Variants in ELF1 observed in about 807,000 individuals in gnomAD.
ELF1 encodes the protein ETS-related transcription factor Elf-1.
Under a neutral mutation model 59.9 loss-of-function variants are expected in ELF1, and 24 were observed. The observed-to-expected ratio is 0.40, with a 90% confidence interval of 0.29 to 0.56. The LOEUF (loss-of-function observed/expected upper bound fraction) is 0.56, where lower values mean the gene tolerates loss of function less well. Ranked by LOEUF, ELF1 falls within the 20% of genes least tolerant of loss-of-function variation. ELF1 has a pLI of 0.44. For synonymous variants in ELF1, 248 were observed against 266.2 expected, an observed-to-expected ratio of 0.93 and a Z score of 0.67; for missense variants, 627 against 742.2, an observed-to-expected ratio of 0.84 and a Z score of 1.80.
exon 1 of ELF1, chr13:41,061,185 G>A (rs1352923992): frequency 4.9e-6 from 1 of 203,154 alleles, no homozygotes; most frequent in Non-Finnish European, 1.0e-5. Flanking sequence ...AGTTGGCAAA[G>A]TTGAGAGCGG....
chr13:40,962,508 C>T (rs890677946), intron 2 of ELF1, among the ~76,000 whole-genome samples: 1 of 151,548 alleles, frequency 6.6e-6, no homozygotes, highest in Non-Finnish European at 1.5e-5. Context: ...CACGGTGAAA[C>T]CTTGTCTTTA....
intron 1 of ELF1, among the ~76,000 whole-genome samples, chr13:41,046,976 G>A (rs190125196): frequency 6.6e-6 from 1 of 152,286 alleles, no homozygotes; most frequent in East Asian, 1.9e-4. Context: ...TGGAGGCTTT[G>A]TTCGTTTCTT....
At chr13:41,047,254 G>A (rs980721112) in intron 1 of ELF1, among the ~76,000 whole-genome samples, 30 of 152,200 alleles carry the variant, frequency 2.0e-4, no homozygotes, top group Admixed American at 5.2e-4. Context: ...AAGTTTGATC[G>A]TCTGAAGCCT....
intron 1 of ELF1, among the ~76,000 whole-genome samples, chr13:41,050,091 T>C (rs766558355): frequency 1.3e-5 from 2 of 152,228 alleles, no homozygotes; most frequent in Non-Finnish European, 2.9e-5. Flanking sequence ...TAGTCTTTAG[T>C]ACATTCACAT....
At chr13:40,978,113 C>T (rs976154005) in intron 2 of ELF1, among the ~76,000 whole-genome samples, 5 of 152,160 alleles carry the variant, frequency 3.3e-5, no homozygotes, top group Admixed American at 2.6e-4. Context: ...GGGGCGGTGG[C>T]TCATGCCTGA....
intron 3 of ELF1, among the ~76,000 whole-genome samples, chr13:40,956,125 T>C (rs1391387690): frequency 2.0e-5 from 3 of 149,400 alleles, no homozygotes; most frequent in East Asian, 1.9e-4. Flanking sequence ...TTTTGTGGAA[T>C]AGAAAGGGGG....
chr13:41,020,885 G>A (rs1566191767), upstream of ELF1, among the ~76,000 whole-genome samples: 1 of 151,832 alleles, frequency 6.6e-6, no homozygotes, highest in South Asian at 2.1e-4. Context: ...TGGCTAATTA[G>A]AAATAAAAAC....
intron 1 of ELF1, among the ~76,000 whole-genome samples, chr13:41,037,562 C>T (rs947328200): frequency 3.3e-5 from 5 of 151,878 alleles, no homozygotes; most frequent in Non-Finnish European, 7.4e-5. Flanking sequence ...TTTGGGAGAC[C>T]GAGGCGGATG....
At chr13:40,965,820 G>A (rs1307198830) in intron 2 of ELF1, among the ~76,000 whole-genome samples, 1 of 152,000 alleles carries the variant, frequency 6.6e-6, no homozygotes, top group Non-Finnish European at 1.5e-5. Context: ...AAATTCTACT[G>A]GTGCTTATCA....
At chr13:40,955,005 G>T (rs1368697228) in intron 3 of ELF1, among the ~76,000 whole-genome samples, 9 of 150,162 alleles carry the variant, frequency 6.0e-5, no homozygotes, top group Admixed American at 3.3e-4. Flanking sequence ...GAAGTGAGGA[G>T]CGTCTCTGCC....
Position 40,942,964 on chromosome 13 carries a change from C to A in ELF1, c.794G>T (p.Gly265Val). Residue 265 changes from glycine (G) to valine (V), a missense_variant, in exon 7 of 9, where the codon GGA becomes GTA. Physicochemically the swap from Gly to Val is moderately radical, Grantham distance 109. This residue lies in a region of ELF1 where 34 missense variants were observed against 76.8 expected (regional missense o/e 0.44). Transcript: ENST00000239882. ...NKPDMNYETM[G>V]RALRYYYQRG... Reference sequence around the variant, plus strand: ...AAACTTCGCATACCTGAGTGCTCTTCCCATGGTCTCATAATTCATATCAGG... The same window carrying A: ...AAACTTCGCATACCTGAGTGCTCTTACCATGGTCTCATAATTCATATCAGG... The A allele has an allele frequency of 6.3e-7, 1 of 1,595,824 alleles. No individual in the cohort carries two copies. Among genetic ancestry groups the A allele is most frequent in the Non-Finnish European group, 8.5e-7 (1 of 1,169,964 alleles).
chr13:41,012,798 T>A (rs1869237046), intron 1 of ELF1, among the ~76,000 whole-genome samples: 1 of 151,964 alleles, frequency 6.6e-6, no homozygotes, highest in Non-Finnish European at 1.5e-5. Flanking sequence ...CCTCAAGTGA[T>A]CCTCCCACTT....
intron 1 of ELF1, among the ~76,000 whole-genome samples, chr13:41,025,744 C>G (rs916200510): frequency 2.0e-5 from 3 of 152,164 alleles, no homozygotes; most frequent in African/African-American, 2.4e-5. Context: ...AAACCCTATT[C>G]GGCCTGTGCA....
At chr13:41,025,093 C>A (rs1189817226) in intron 1 of ELF1, among the ~76,000 whole-genome samples, 1 of 151,944 alleles carries the variant, frequency 6.6e-6, no homozygotes, top group Non-Finnish European at 1.5e-5. Context: ...ACTATTATGG[C>A]GTTCAAGGCT....
chr13:41,027,077 A>G (rs995401207), intron 1 of ELF1, among the ~76,000 whole-genome samples: 2 of 152,260 alleles, frequency 1.3e-5, no homozygotes, highest in Admixed American at 6.5e-5. Context: ...AACTTAGGGC[A>G]GCACACCCAG....
intron 1 of ELF1, among the ~76,000 whole-genome samples, chr13:41,012,402 ATAGT>A (rs1276379924): frequency 6.6e-6 from 1 of 150,542 alleles, no homozygotes; most frequent in Non-Finnish European, 1.5e-5. Flanking sequence ...ATATTTTACC[ATAGT>A]TTGTTTGTTT....
At chr13:41,055,171 G>A (rs901484274) in intron 1 of ELF1, among the ~76,000 whole-genome samples, 1 of 152,172 alleles carries the variant, frequency 6.6e-6, no homozygotes, top group African/African-American at 2.4e-5. Flanking sequence ...CCAGCTCTCT[G>A]CAGGTAAGAG....
At chr13:41,001,904 T>C (rs914170282) in intron 1 of ELF1, among the ~76,000 whole-genome samples, 12 of 152,022 alleles carry the variant, frequency 7.9e-5, no homozygotes, top group African/African-American at 2.4e-4. Context: ...TCAGGCAACA[T>C]AGGCTGTTAT....
At chr13:40,957,465 C>A in intron 3 of ELF1, among the ~76,000 whole-genome samples, 2 of 141,900 alleles carry the variant, frequency 1.4e-5, no homozygotes, top group African/African-American at 2.6e-5. Context: ...GTTGTAAAGG[C>A]ATTAAGATGT....
Sources: gnomAD v4.1 joint callset for allele counts (sites outside exome capture counted in the v4.1 genomes callset) on GRCh38, gnomAD v4.1.1 for gene constraint, gnomAD v4.1.1 regional missense constraint, MANE v1.5 for transcripts, NCBI Gene and HGNC (gene_info 2026-07-23, HGNC 2026-07-21) for gene names.